CELSR2: variants seen among roughly 807,000 people sequenced by gnomAD.
CELSR2 encodes cadherin EGF LAG seven-pass G-type receptor 2.
In CELSR2, 81 loss-of-function variants were observed where a neutral mutation model predicts 251.6. That is an observed-to-expected ratio of 0.32 (90% confidence interval 0.27 to 0.39). The LOEUF (loss-of-function observed/expected upper bound fraction) is 0.39. Among genes scored for constraint, CELSR2 ranks in the 10% least tolerant of loss-of-function variants. The pLI is 1.00. For synonymous variants in CELSR2, 1,721 were observed against 1,670.5 expected (o/e 1.03, Z -0.74); for missense variants, 3,365 against 3,947.7 (o/e 0.85, Z 3.96).
rs756939916 is a variant in CELSR2, at chr1:109,263,756, G to C, written c.4980G>C (p.Gly1660=). The change falls in exon 9 of 34, where the codon GGG becomes GGC. Residue 1660 remains glycine, a synonymous_variant. Coordinates refer to ENST00000271332, the MANE Select transcript of CELSR2 (RefSeq NM_001408.3). ...TCCTGCTGCAGGCCATCACCAGGGG[G>C]CGCAGCACCATCACCCTACAGGTGA... The part of the protein sequence containing the change: ...DGVLLQAITR[G]RSTITLQLRE... 1 of 1,613,412 alleles carries C rather than the reference G, an allele frequency of 6.2e-7. No individual in the cohort carries two copies. Among genetic ancestry groups the C allele is most frequent in the Non-Finnish European group, 8.5e-7 (1 of 1,179,962 alleles).
chr1:109,265,665 C>G, intron 13 of CELSR2, 70 bp from the exon 14 acceptor site: 1 of 1,555,136 alleles, frequency 6.4e-7, no homozygotes, highest in East Asian at 2.3e-5. Context: ...GGGGCCACAG[C>G]TGAGAAGGAC....
At chr1:109,260,475 C>A (rs754468373) in intron 2 of CELSR2, among the ~76,000 whole-genome samples, 10 of 152,160 alleles carry the variant, frequency 6.6e-5, no homozygotes, top group Non-Finnish European at 1.2e-4. Context: ...GCTTCTCTCT[C>A]ATACTCTTCC....
At position 109,253,292 on chromosome 1, in the gene CELSR2, C is replaced by T. The variant is rs1234148289; in HGVS notation, c.3213C>T (p.Ser1071=). 4 of 1,613,352 alleles carry T rather than the reference C, an allele frequency of 2.5e-6. No individual in the cohort carries two copies. The highest frequency in any genetic ancestry group is 1.1e-5 in the South Asian group (1 of 91,092). ...GCTTTGAGCGGGGAAATGAACTCAGCCTGGTCCTGCTCAATGCCTCCACGG... is the reference window on the plus strand; with the variant it reads ...GCTTTGAGCGGGGAAATGAACTCAGTCTGGTCCTGCTCAATGCCTCCACGG... ...TYSFERGNEL[S]LVLLNASTGE... The change falls in exon 1 of 34, where the codon AGC becomes AGT. Residue 1071 remains serine, a synonymous_variant. Transcript: ENST00000271332.
chr1:109,274,159 A>T lies in CELSR2; in HGVS notation c.*110A>T. 1 of 1,600,538 alleles carries T rather than the reference A, an allele frequency of 6.2e-7. No homozygotes were observed. The highest frequency in any genetic ancestry group is 8.5e-7 in the Non-Finnish European group (1 of 1,175,328). On this transcript the variant is annotated 3_prime_UTR_variant, in exon 34 of 34. Transcript: ENST00000271332. Reference sequence around the variant, plus strand: ...GCCCCGCTCCCCATCGCCTGCCCGCAGCAGCGACGAAACGTCCATCTGAGG... The same window carrying T: ...GCCCCGCTCCCCATCGCCTGCCCGCTGCAGCGACGAAACGTCCATCTGAGG...
chr1:109,271,347 G>A (rs1316920685), intron 26 of CELSR2, 39 bp from the exon 27 acceptor site: 1 of 1,613,850 alleles, frequency 6.2e-7, no homozygotes, highest in Non-Finnish European at 8.5e-7. Context: ...CAGCATGGGA[G>A]GTCTCATGGC....
In CELSR2 at chr1:109,250,780, T is replaced by A. The variant is rs1655664214; in HGVS notation, c.701T>A (p.Leu234Gln). ...AGCCGCTCCAACCAGTTCTTCTCCC[T>A]GGACCCAGTCACTGGTGCAGTAACC... ...FDSRSNQFFS[L>Q]DPVTGAVTTA... The change falls in exon 1 of 34, where the codon CTG (leucine) becomes CAG (glutamine). Residue 234 changes from leucine (L) to glutamine (Q), a missense_variant. Physicochemically the swap from Leu to Gln is moderately radical, Grantham distance 113. This residue lies in a region of CELSR2 where 704 missense variants were observed against 784.1 expected (regional missense o/e 0.90). Coordinates refer to ENST00000271332, the MANE Select transcript of CELSR2 (RefSeq NM_001408.3). The surrounding 1 kb of genome is among the most constrained non-coding windows in gnomAD (Gnocchi z 4.4). The A allele has an allele frequency of 1.9e-6, 3 of 1,613,988 alleles. No homozygotes were observed. The highest frequency in any genetic ancestry group is 2.5e-6 in the Non-Finnish European group (3 of 1,180,046).
Position 109,263,766 on chromosome 1 carries a change from A to G in CELSR2, c.4990A>G (p.Ile1664Val). 6.2e-7 allele frequency: 1 copy of G among 1,613,256 alleles called. No individual in the cohort carries two copies. The highest frequency in any genetic ancestry group is 8.5e-7 in the Non-Finnish European group (1 of 1,179,930). The change falls in exon 9 of 34, where the codon ATC becomes GTC. Residue 1664 changes from isoleucine to valine, a missense_variant. Ile to Val is a conservative substitution (Grantham distance 29). Around this residue, in one of 5 missense-constraint regions of CELSR2, gnomAD observed 2,093 missense variants for 2,382.8 expected, o/e 0.88. Coordinates refer to ENST00000271332, the MANE Select transcript of CELSR2 (RefSeq NM_001408.3). ...GGCCATCACCAGGGGGCGCAGCACC[A>G]TCACCCTACAGGTGATGCATGGAAG... ...LQAITRGRST[I>V]TLQLREGHVM...
At chr1:109,262,772 C>G (rs1656054849) in intron 6 of CELSR2, 34 bp from the exon 7 acceptor site, 1 of 1,601,260 alleles carries the variant, frequency 6.2e-7, no homozygotes, top group Non-Finnish European at 8.5e-7. Context: ...GCTCCCAGCC[C>G]TCCCTTGTGC....
Position 109,264,531 on chromosome 1 carries a change from A to G in CELSR2, c.5367A>G (p.Gln1789=), listed in dbSNP as rs750948171. ...PSHGESINVE[Q]GCSLPDPCDS... ...ATGGGGAGAGCATCAACGTGGAGCA[A>G]GGCTGTAGCCTGCCTGACCCTTGTG... The change falls in exon 11 of 34, where the codon CAA becomes CAG. Residue 1789 remains glutamine, a synonymous_variant. Coordinates refer to ENST00000271332, the MANE Select transcript of CELSR2 (RefSeq NM_001408.3). The G allele has an allele frequency of 3.7e-6, 6 of 1,614,082 alleles. No individual in the cohort carries two copies. Among genetic ancestry groups the G allele is most frequent in the Non-Finnish European group, 5.1e-6 (6 of 1,180,042 alleles).
intron 29 of CELSR2, 113 bp downstream of exon 29, chr1:109,272,518 C>T: frequency 6.7e-7 from 1 of 1,499,022 alleles, no homozygotes; most frequent in Non-Finnish European, 9.1e-7. Flanking sequence ...GACGTGGGGG[C>T]CAGCTTGGAT....
chr1:109,258,749 T>A lies in CELSR2; in HGVS notation c.3628T>A (p.Tyr1210Asn). The change falls in exon 2 of 34, where the codon TAC (tyrosine) becomes AAC (asparagine). Residue 1210 changes from tyrosine to asparagine, a missense_variant. By Grantham distance (143) the Tyr-to-Asn change is moderately radical (BLOSUM62 -2). Around this residue, in one of 5 missense-constraint regions of CELSR2, gnomAD observed 2,093 missense variants for 2,382.8 expected, o/e 0.88. Transcript: ENST00000271332. Reference sequence around the variant, plus strand: ...CTCTGAGGACCTGCAGGAGCGCCTATACCTCAACCGCAGCCTGCTGACGGC... The same window carrying A: ...CTCTGAGGACCTGCAGGAGCGCCTAAACCTCAACCGCAGCCTGCTGACGGC... ...LPSEDLQERLYLNRSLLTAIS... is the reference protein window; with the variant it reads ...LPSEDLQERLNLNRSLLTAIS... 1 of 1,576,614 alleles carries A rather than the reference T, an allele frequency of 6.3e-7. No homozygotes were observed. Among genetic ancestry groups the A allele is most frequent in the Non-Finnish European group, 8.6e-7 (1 of 1,161,490 alleles).
At chr1:109,265,634 G>C in intron 13 of CELSR2, 101 bp from the exon 14 acceptor site, 1 of 1,411,352 alleles carries the variant, frequency 7.1e-7, no homozygotes, top group Non-Finnish European at 9.7e-7. Context: ...GAGGGGACCT[G>C]AGGTCGGGAC....
At position 109,265,171 on chromosome 1, in the gene CELSR2, A is replaced by C; in HGVS notation, c.5607-20A>C. The stretch of plus-strand genomic sequence containing the variant: ...GGAGTGGCAGGGGGAGCTCATGCCT[A>C]CCTGGGTCCCTCTCTGCAGGATTGA... On this transcript the variant is annotated intron_variant, in intron 12 of 33. Coordinates refer to ENST00000271332, the MANE Select transcript of CELSR2 (RefSeq NM_001408.3). 1 of 1,580,578 alleles carries C rather than the reference A, an allele frequency of 6.3e-7. No individual in the cohort carries two copies.
At position 109,269,603 on chromosome 1, in the gene CELSR2, C is replaced by T. The variant is rs75987292; in HGVS notation, c.6980+12C>T. The T allele has an allele frequency of 1.6e-4, 264 of 1,613,682 alleles. No individual in the cohort carries two copies. In the East Asian group the frequency reaches 5.4e-3, roughly 33 times the overall value. On this transcript the variant is annotated intron_variant, in intron 21 of 33. Transcript: ENST00000271332. This position sits in a 1 kb window ranked among gnomAD's most constrained non-coding sequence, Gnocchi z 6.4. Reference sequence around the variant, plus strand: ...AACCATTCAATCCTGTGAGCCTGCACTGCCCTCGCCCCCTCAGGCTTCGGG... The same window carrying T: ...AACCATTCAATCCTGTGAGCCTGCATTGCCCTCGCCCCCTCAGGCTTCGGG...
Position 109,263,368 on chromosome 1 carries a change from G to T in CELSR2, c.4834+101G>T, listed in dbSNP as rs79263647. 3.4e-6 allele frequency: 5 copies of T among 1,474,566 alleles called. No individual in the cohort carries two copies. The African/African-American group carries it at 5.7e-5, about 17-fold the overall frequency. The allele number at this position is 1,474,566 out of a possible 1,614,324, so 91.3% of individuals were successfully genotyped here. A position where few individuals can be genotyped will look rare whatever the true frequency, so the allele number is the denominator to read the frequency against. On this transcript the variant is annotated intron_variant, in intron 8 of 33. Transcript: ENST00000271332. Reference sequence around the variant, plus strand: ...ACTGGGCAGGGCTCTGCTGAGCGGGGCTGTGGGTGGAAAAGCGTGTCTGGG... The same window carrying T: ...ACTGGGCAGGGCTCTGCTGAGCGGGTCTGTGGGTGGAAAAGCGTGTCTGGG...
intron 2 of CELSR2, among the ~76,000 whole-genome samples, chr1:109,259,671 G>A (rs1655965258): frequency 6.6e-6 from 1 of 152,148 alleles, no homozygotes; most frequent in Admixed American, 6.5e-5. Flanking sequence ...AGGCATTAAG[G>A]GGAAGACACA....
chr1:109,256,577 C>T (rs1655853850), intron 1 of CELSR2, among the ~76,000 whole-genome samples: 1 of 152,324 alleles, frequency 6.6e-6, no homozygotes, highest in African/African-American at 2.4e-5. Flanking sequence ...AACATGGGCT[C>T]CTGCCCCGTT....
Position 109,252,980 on chromosome 1 carries a change from G to A in CELSR2, c.2901G>A (p.Glu967=), listed in dbSNP as rs1655739048. 6.2e-7 allele frequency: 1 copy of A among 1,612,562 alleles called. No homozygotes were observed. Among genetic ancestry groups the A allele is most frequent in the Non-Finnish European group, 8.5e-7 (1 of 1,179,120 alleles). ...MYQIVEGNIP[E]VFQLDIFSGE... ...AGATTGTGGAGGGCAACATCCCTGA[G>A]GTCTTTCAGCTGGACATCTTCTCCG... The change falls in exon 1 of 34, where the codon GAG becomes GAA. Residue 967 remains glutamate (E), a synonymous_variant. Transcript: ENST00000271332. This position sits in a 1 kb window ranked among gnomAD's most constrained non-coding sequence, Gnocchi z 4.8.
chr1:109,252,545 C>T lies in CELSR2; in HGVS notation c.2466C>T (p.Gly822=). ...APQFLRDSYQ[G]SVYEDVPPFT... is the part of the protein sequence containing the mutation. ...AGTTCCTGCGAGACTCCTACCAGGG[C>T]AGTGTCTATGAGGATGTGCCACCCT... Residue 822 remains glycine (G), a synonymous_variant, in exon 1 of 34, where the codon GGC becomes GGT. Transcript: ENST00000271332. This position sits in a 1 kb window ranked among gnomAD's most constrained non-coding sequence, Gnocchi z 4.8. 6.2e-7 allele frequency: 1 copy of T among 1,613,930 alleles called. No homozygotes were observed. Among genetic ancestry groups the T allele is most frequent in the Non-Finnish European group, 8.5e-7 (1 of 1,180,038 alleles).
Sources: gnomAD v4.1 joint callset for allele counts (sites outside exome capture counted in the v4.1 genomes callset) on GRCh38, gnomAD v4.1.1 for gene constraint, gnomAD v4.1.1 regional missense constraint, Gnocchi (gnomAD v3.1) non-coding constraint, MANE v1.5 for transcripts, NCBI Gene and HGNC (gene_info 2026-07-23, HGNC 2026-07-21) for gene names.